Variants in SUSD4 observed in about 807,000 individuals in gnomAD.
SUSD4 encodes sushi domain containing 4.
Under a neutral mutation model 50.5 loss-of-function variants are expected in SUSD4, and 41 were observed. That is an observed-to-expected ratio of 0.81 (90% CI 0.63 to 1.05). The LOEUF is 1.05. Among genes scored for constraint, SUSD4 ranks in the 50% least tolerant of loss-of-function variants. The pLI is 0.00. For synonymous variants in SUSD4, 257 were observed against 257.3 expected, an observed-to-expected ratio of 1.00 and a Z score of 0.01; for missense variants, 580 against 634.7, an observed-to-expected ratio of 0.91 and a Z score of 0.93.
At chr1:223,342,495 CTCTA>C (rs1667813598) in intron 2 of SUSD4, among the ~76,000 whole-genome samples, 1 of 152,142 alleles carries the variant, frequency 6.6e-6, no homozygotes, top group Non-Finnish European at 1.5e-5. Flanking sequence ...TGGGGATTTG[CTCTA>C]TCTGATTTTA....
intron 5 of SUSD4, among the ~76,000 whole-genome samples, chr1:223,238,553 TTTAG>T (rs1660370708): frequency 6.6e-6 from 1 of 152,006 alleles, no homozygotes; most frequent in African/African-American, 2.4e-5. Context: ...TTTCATTTCA[TTTAG>T]TTAAAAATAT....
chr1:223,268,659 T>C lies in SUSD4; in HGVS notation c.378A>G (p.Gln126=). The C allele has an allele frequency of 1.9e-6, 3 of 1,612,394 alleles. No individual in the cohort carries two copies. In the African/African-American group the frequency reaches 4.0e-5, roughly 21 times the overall value. Residue 126 remains glutamine, a synonymous_variant, in exon 4 of 9, where the codon CAA becomes CAG. Coordinates refer to ENST00000366878, the MANE Select transcript of SUSD4 (RefSeq NM_017982.4). ...ICVQEDCRIP[Q]IEDAEIHNKT... is the part of the protein sequence containing the mutation. Reference sequence around the variant, plus strand: ...TGTTATGAATCTCAGCATCTTCGATTTGAGGGATACGGCAATCTGCAATTT... The same window carrying C: ...TGTTATGAATCTCAGCATCTTCGATCTGAGGGATACGGCAATCTGCAATTT...
chr1:223,248,303 A>G (rs778185763), intron 5 of SUSD4, among the ~76,000 whole-genome samples: 1 of 152,228 alleles, frequency 6.6e-6, no homozygotes, highest in Non-Finnish European at 1.5e-5. Context: ...CATGTTGTCT[A>G]TGTGGCTCTG....
intron 2 of SUSD4, among the ~76,000 whole-genome samples, chr1:223,297,824 G>A (rs1664928461): frequency 6.6e-6 from 1 of 152,160 alleles, no homozygotes; most frequent in East Asian, 1.9e-4. Flanking sequence ...ATGGTGTGTG[G>A]TATAAAGTGG....
At position 223,255,303 on chromosome 1, in the gene SUSD4, G is replaced by A. The variant is rs74145786; in HGVS notation, c.724+9327C>T. Among the ~76,000 whole-genome samples the A allele has an allele frequency of 3.9e-3, 599 of 152,230 alleles. 3 individuals are homozygous for A. The highest frequency in any genetic ancestry group is 0.014 in the African/African-American group (570 of 41,512). On this transcript the variant is annotated intron_variant, in intron 5 of 8. Coordinates refer to ENST00000366878, the MANE Select transcript of SUSD4 (RefSeq NM_017982.4). ...GTAAAACTTTGACTGATGTAAGCTGGATTCCTAATTAGGATTATAAATTAG... is the reference window on the plus strand; with the variant it reads ...GTAAAACTTTGACTGATGTAAGCTGAATTCCTAATTAGGATTATAAATTAG...
intron 2 of SUSD4, among the ~76,000 whole-genome samples, chr1:223,321,862 ATAACGT>A (rs1666592018): frequency 6.6e-6 from 1 of 152,232 alleles, no homozygotes; most frequent in East Asian, 1.9e-4. Flanking sequence ...AAAACATCAA[ATAACGT>A]TTACTTTGGG....
At chr1:223,338,567 G>C (rs1252446648) in intron 2 of SUSD4, among the ~76,000 whole-genome samples, 1 of 152,230 alleles carries the variant, frequency 6.6e-6, no homozygotes, top group Non-Finnish European at 1.5e-5. Context: ...AGGAGGATGA[G>C]CTGGAAGGGG....
At chr1:223,232,959 AC>A (rs1245463083) in intron 5 of SUSD4, among the ~76,000 whole-genome samples, 1 of 152,236 alleles carries the variant, frequency 6.6e-6, no homozygotes, top group Non-Finnish European at 1.5e-5. Context: ...CACAGTAGGC[AC>A]TTAATAAATA....
At chr1:223,298,997 C>A (rs376580755) in intron 2 of SUSD4, among the ~76,000 whole-genome samples, 2 of 152,172 alleles carry the variant, frequency 1.3e-5, no homozygotes, top group East Asian at 3.8e-4. Context: ...AAAAGAGAGC[C>A]ATCAGAAGAT....
intron 5 of SUSD4, among the ~76,000 whole-genome samples, chr1:223,232,138 G>T (rs1353623601): frequency 6.6e-6 from 1 of 152,164 alleles, no homozygotes. Flanking sequence ...TAAAACCAGG[G>T]AGCAGAACAG....
intron 2 of SUSD4, 120 bp downstream of exon 2, chr1:223,363,158 T>C (rs1176503306): frequency 1.7e-6 from 2 of 1,211,210 alleles, no homozygotes; most frequent in African/African-American, 3.1e-5. Context: ...CACCCTCGCG[T>C]TGTCAGATCC....
intron 2 of SUSD4, among the ~76,000 whole-genome samples, chr1:223,320,546 G>A (rs1485748518): frequency 3.3e-5 from 5 of 152,132 alleles, no homozygotes; most frequent in Admixed American, 3.3e-4. Context: ...AGCAGAAGTG[G>A]GGGCAATGGG....
At chr1:223,363,631 G>A in intron 1 of SUSD4, 171 bp from the exon 2 acceptor site, 1 of 744,948 alleles carries the variant, frequency 1.3e-6, no homozygotes, top group Non-Finnish European at 2.1e-6. Context: ...GCCTTCCCCC[G>A]AGCCGGGTGC....
intron 2 of SUSD4, among the ~76,000 whole-genome samples, chr1:223,345,898 C>T (rs1305384874): frequency 1.3e-5 from 2 of 152,164 alleles, no homozygotes; most frequent in East Asian, 3.9e-4. Flanking sequence ...TTCTCTGCTG[C>T]CAGTACCTCC....
At chr1:223,344,437 T>C (rs1667922147) in intron 2 of SUSD4, among the ~76,000 whole-genome samples, 1 of 152,136 alleles carries the variant, frequency 6.6e-6, no homozygotes, top group Admixed American at 6.5e-5. Context: ...TGTGCTGATG[T>C]TGCACTCTCC....
chr1:223,316,276 G>A (rs533688025), intron 2 of SUSD4, among the ~76,000 whole-genome samples: 4 of 152,258 alleles, frequency 2.6e-5, no homozygotes, highest in African/African-American at 9.6e-5. Context: ...CTGGCACAAG[G>A]CCAGCCACTT....
chr1:223,300,537 T>C (rs144994287), intron 2 of SUSD4, among the ~76,000 whole-genome samples: 1 of 152,282 alleles, frequency 6.6e-6, no homozygotes, highest in African/African-American at 2.4e-5. Context: ...TTATTATAAC[T>C]GAAAAGTCAT....
At chr1:223,268,390 T>C in intron 4 of SUSD4, 112 bp downstream of exon 4, 1 of 1,398,276 alleles carries the variant, frequency 7.2e-7, no homozygotes, top group Non-Finnish European at 9.6e-7. Flanking sequence ...TAGATGGCTT[T>C]GTTCATTTCG....
At chr1:223,275,062 C>T (rs1663165253) in intron 3 of SUSD4, among the ~76,000 whole-genome samples, 1 of 152,010 alleles carries the variant, frequency 6.6e-6, no homozygotes, top group Non-Finnish European at 1.5e-5. Flanking sequence ...AGAATTAATC[C>T]AGAAAGAAGA....
Sources: gnomAD v4.1 joint callset for allele counts (sites outside exome capture counted in the v4.1 genomes callset) on GRCh38, gnomAD v4.1.1 for gene constraint, MANE v1.5 for transcripts, NCBI Gene and HGNC (gene_info 2026-07-23, HGNC 2026-07-21) for gene names.